Variants in ANK2 observed in about 807,000 individuals in gnomAD.
ANK2 encodes the protein ankyrin-2.
In ANK2, 83 loss-of-function variants were observed where a neutral mutation model predicts 360.5. That is an observed-to-expected ratio of 0.23 (90% confidence interval 0.19 to 0.28). ANK2 has a LOEUF of 0.28. Among genes scored for constraint, ANK2 ranks in the 10% least tolerant of loss-of-function variants. The probability of loss-of-function intolerance (pLI) is 1.00; values close to 1 mark genes in which losing one functional copy is unlikely to be tolerated. For missense variants in ANK2, 4,201 were observed against 4,795.7 expected, an observed-to-expected ratio of 0.88 and a Z score of 3.66; for synonymous variants, 1,740 against 1,759.5, an observed-to-expected ratio of 0.99 and a Z score of 0.28.
chr4:112,813,827 C>T (rs2055465057), upstream of ANK2, among the ~76,000 whole-genome samples: 1 of 152,336 alleles, frequency 6.6e-6, no homozygotes, highest in East Asian at 1.9e-4. Context: ...TGAGCCACTG[C>T]ACCCAGCCAG....
rs2055133958 is a variant in ANK2, at chr4:113,264,994, G to C, written c.1484G>C (p.Arg495Thr). Residue 495 changes from arginine (R) to threonine (T), a missense_variant and splice_region_variant, in exon 14 of 46, where the codon AGG becomes ACG. Physicochemically the swap from Arg to Thr is moderately conservative, Grantham distance 71. This residue lies in a region of ANK2 where 1,268 missense variants were observed against 1,650.8 expected (regional missense o/e 0.77). Coordinates refer to ENST00000357077, the MANE Select transcript of ANK2 (RefSeq NM_001148.6). ...RNGALVDARA[R>T]EEQTPLHIAS... is the part of the protein sequence containing the mutation. ...GGTGCCCTTGTTGATGCCAGAGCCAGGGTAGGTACTGGTGCCCTGAGGTTC... is the reference window on the plus strand; with the variant it reads ...GGTGCCCTTGTTGATGCCAGAGCCACGGTAGGTACTGGTGCCCTGAGGTTC... 6.4e-7 allele frequency: 1 copy of C among 1,558,772 alleles called. No homozygotes were observed. Among genetic ancestry groups the C allele is most frequent in the Non-Finnish European group, 8.7e-7 (1 of 1,150,342 alleles).
chr4:113,145,364 A>G (rs2154387569), intron 1 of ANK2, among the ~76,000 whole-genome samples: 1 of 152,360 alleles, frequency 6.6e-6, no homozygotes, highest in East Asian at 1.9e-4. Flanking sequence ...GATAAAGCAG[A>G]TTCATTAAAA....
At position 113,258,381 on chromosome 4, in the gene ANK2, G is replaced by A; in HGVS notation, c.1356G>A (p.Gln452=). 6.2e-7 allele frequency: 1 copy of A among 1,614,126 alleles called. No individual in the cohort carries two copies. The highest frequency in any genetic ancestry group is 8.5e-7 in the Non-Finnish European group (1 of 1,179,998). ...GHLNIVLLLL[Q]NGASPDVTNI... Reference sequence around the variant, plus strand: ...TGAACATTGTCCTCCTTCTGCTGCAGAACGGAGCCTCTCCAGATGTCACTA... The same window carrying A: ...TGAACATTGTCCTCCTTCTGCTGCAAAACGGAGCCTCTCCAGATGTCACTA... Residue 452 remains glutamine (Q), a synonymous_variant, in exon 13 of 46, where the codon CAG becomes CAA. Transcript: ENST00000357077.
At chr4:113,013,808 C>T (rs1033307606) in intron 2 of ANK2, among the ~76,000 whole-genome samples, 3 of 152,016 alleles carry the variant, frequency 2.0e-5, no homozygotes, top group South Asian at 4.1e-4. Context: ...TCAAAAGCCT[C>T]GTGTTTACTA....
chr4:113,365,192 T>A lies in ANK2; in HGVS notation c.11032+10T>A, dbSNP rs928272958. On this transcript the variant is annotated intron_variant, in intron 41 of 45. Coordinates refer to ENST00000357077, the MANE Select transcript of ANK2 (RefSeq NM_001148.6). ...CTGGATCATAGTGAAGGTCAAACTG[T>A]GTGTGTGTATGTGTGTGTGTGTGTG... The A allele has an allele frequency of 2.6e-6, 4 of 1,527,214 alleles. No individual in the cohort carries two copies. The highest frequency in any genetic ancestry group is 3.5e-6 in the Non-Finnish European group (4 of 1,137,814). 94.6% of individuals were successfully genotyped at this position (1,527,214 alleles called of 1,614,324 possible).
At chr4:113,104,114 G>A (rs184920512) in intron 1 of ANK2, among the ~76,000 whole-genome samples, 77 of 152,138 alleles carry the variant, frequency 5.1e-4, no homozygotes, top group Admixed American at 2.9e-3. Context: ...TCTTTTCAGT[G>A]GTGAGGTAAG....
the ANK2 span, among the ~76,000 whole-genome samples, chr4:112,732,770 C>T: frequency 6.6e-6 from 1 of 152,146 alleles, no homozygotes. Context: ...GAGCATGAAT[C>T]TATGCTTCTA....
At chr4:113,012,030 A>T (rs573020430) in intron 2 of ANK2, among the ~76,000 whole-genome samples, 9 of 152,250 alleles carry the variant, frequency 5.9e-5, no homozygotes, top group African/African-American at 1.7e-4. Context: ...TAAAAGCAAC[A>T]ACAACAACAA....
intron 2 of ANK2, among the ~76,000 whole-genome samples, chr4:112,923,126 A>G (rs1414390184): frequency 3.9e-5 from 6 of 152,146 alleles, no homozygotes; most frequent in Admixed American, 2.6e-4. Context: ...ACATTTTTAT[A>G]TTTTGACATT....
chr4:113,116,265 T>C (rs2094762712), intron 1 of ANK2, among the ~76,000 whole-genome samples: 1 of 152,216 alleles, frequency 6.6e-6, no homozygotes, highest in South Asian at 2.1e-4. Context: ...TGTGCCCTCT[T>C]TGAGTGATAA....
chr4:112,935,067 C>T lies in ANK2; in HGVS notation c.21+30553C>T, dbSNP rs115574564. ...TGTTCCAGGAGCACCAAAGCATTCA[C>T]TGTGGCTGGAGTAGGTAAGCAAGGA... On this transcript the variant is annotated intron_variant, in intron 2 of 30. Transcript: ENST00000503271. Among the ~76,000 whole-genome samples, 690 of 152,010 alleles carry T rather than the reference C, an allele frequency of 4.5e-3. 3 individuals carry two copies. Among genetic ancestry groups the T allele is most frequent in the African/African-American group, 9.3e-3 (387 of 41,454 alleles).
the ANK2 span, among the ~76,000 whole-genome samples, chr4:112,780,493 T>G: frequency 6.6e-6 from 1 of 152,204 alleles, no homozygotes; most frequent in Non-Finnish European, 1.5e-5. Context: ...TTGAGTTAGC[T>G]GTAGAATATA....
chr4:113,362,970 CT>C (rs555728509), intron 39 of ANK2, among the ~76,000 whole-genome samples: 1 of 152,132 alleles, frequency 6.6e-6, no homozygotes, highest in East Asian at 1.9e-4. Context: ...AAGGGAGAAA[CT>C]TTTTTTCTTT....
rs796849732 is a variant in ANK2, at chr4:113,318,701, T to C, written c.2900+81T>C. 1.2e-5 allele frequency: 15 copies of C among 1,201,088 alleles called. No homozygotes were observed. In the African/African-American group the frequency reaches 2.0e-4, roughly 16 times the overall value. The allele number at this position is 1,201,088 out of a possible 1,614,324, so 74.4% of individuals were successfully genotyped here. Reference sequence around the variant, plus strand: ...AAACAACAGCTTTGTCCAGTAGCTTTAGCTGGTGGCTAGCTTTACAGTGGA... The same window carrying C: ...AAACAACAGCTTTGTCCAGTAGCTTCAGCTGGTGGCTAGCTTTACAGTGGA... On this transcript the variant is annotated intron_variant, in intron 26 of 45. Coordinates refer to ENST00000357077, the MANE Select transcript of ANK2 (RefSeq NM_001148.6).
rs767390750 is a variant in ANK2, at chr4:113,353,236, G to T, written c.4618G>T (p.Ala1540Ser). The change falls in exon 38 of 46, where the codon GCT becomes TCT. Residue 1540 changes from alanine to serine, a missense_variant. This residue lies in a region of ANK2 where 1,268 missense variants were observed against 1,650.8 expected (regional missense o/e 0.77). Transcript: ENST00000357077. ...GSIKVKELVK[A>S]AEEEPGEPFE... The stretch of plus-strand genomic sequence containing the variant: ...TATTAAAGTGAAGGAGCTGGTGAAG[G>T]CTGCTGAGGAAGAGCCAGGAGAGCC... 3.1e-6 allele frequency: 5 copies of T among 1,613,944 alleles called. No individual in the cohort carries two copies. The highest frequency in any genetic ancestry group is 4.2e-6 in the Non-Finnish European group (5 of 1,179,972).
chr4:113,101,800 A>T (rs1234578193), intron 1 of ANK2, among the ~76,000 whole-genome samples: 1 of 152,132 alleles, frequency 6.6e-6, no homozygotes, highest in Non-Finnish European at 1.5e-5. Flanking sequence ...TTGGGAATGC[A>T]TTAAGGGAGG....
intron 1 of ANK2, among the ~76,000 whole-genome samples, chr4:113,069,219 C>T (rs958992680): frequency 1.4e-4 from 22 of 152,080 alleles, no homozygotes; most frequent in African/African-American, 1.7e-4. Flanking sequence ...GAGAGGAGAA[C>T]GCACAAGGTC....
chr4:112,878,150 A>G (rs2075658187), intron 1 of ANK2, among the ~76,000 whole-genome samples: 2 of 60,114 alleles, frequency 3.3e-5, no homozygotes, highest in African/African-American at 2.5e-4. Context: ...CCCTAACTTT[A>G]GACTCATCTA....
chr4:113,217,830 G>C (rs918864171), intron 4 of ANK2, among the ~76,000 whole-genome samples: 1 of 152,228 alleles, frequency 6.6e-6, no homozygotes, highest in Admixed American at 6.5e-5. Flanking sequence ...TGTTGTCTAC[G>C]TGAGGTTTTG....
Sources: allele counts gnomAD v4.1 joint callset (sites outside exome capture counted in the v4.1 genomes callset), GRCh38; gene constraint gnomAD v4.1.1; regional missense constraint gnomAD v4.1.1; transcripts MANE v1.5; gene names NCBI Gene and HGNC (gene_info 2026-07-23, HGNC 2026-07-21).